Variants in HCN2 observed in about 807,000 individuals in gnomAD.
The protein encoded by HCN2 is hyperpolarization activated cyclic nucleotide gated potassium and sodium channel 2.
HCN2 carries 20 observed loss-of-function variants against 52.3 expected under a neutral mutation model. The observed-to-expected ratio is 0.38, with a 90% CI of 0.27 to 0.56. The LOEUF is 0.56. Ranked by LOEUF, HCN2 falls within the 20% of genes least tolerant of loss-of-function variation. The probability of loss-of-function intolerance (pLI) is 0.71; values close to 1 mark genes in which losing one functional copy is unlikely to be tolerated. For synonymous variants in HCN2, 694 were observed against 537.0 expected (o/e 1.29, Z -4.04); for missense variants, 981 against 1,207.7 (o/e 0.81, Z 2.78).
chr19:595,678 C>T (rs1244876331), intron 1 of HCN2, among the ~76,000 whole-genome samples: 7 of 152,216 alleles, frequency 4.6e-5, no homozygotes, highest in South Asian at 2.1e-4. Flanking sequence ...CCCCGGCGCC[C>T]GGCGAGAGTT....
Position 613,418 on chromosome 19 carries a change from G to A in HCN2, c.1755G>A (p.Gln585=). The change falls in exon 6 of 8, where the codon CAG becomes CAA. Residue 585 remains glutamine (Q), a synonymous_variant. Coordinates refer to ENST00000251287, the MANE Select transcript of HCN2 (RefSeq NM_001194.4). ...TCGGGAAGAAGATGTACTTCATCCA[G>A]CACGGCGTGGTCAGCGTGCTCACTA... is the stretch of plus-strand genomic sequence containing the variant. ...GTIGKKMYFI[Q]HGVVSVLTKG... 2 of 1,612,198 alleles carry A rather than the reference G, an allele frequency of 1.2e-6. No homozygotes were observed. Among genetic ancestry groups the A allele is most frequent in the Non-Finnish European group, 8.5e-7 (1 of 1,179,628 alleles).
At chr19:609,259 C>T (rs2144524185) in intron 4 of HCN2, among the ~76,000 whole-genome samples, 1 of 152,312 alleles carries the variant, frequency 6.6e-6, no homozygotes, top group African/African-American at 2.4e-5. Context: ...TGCCGGGGGG[C>T]ACCGTCCTGG....
At chr19:610,052 A>AC (rs965478547) in intron 4 of HCN2, among the ~76,000 whole-genome samples, 5 of 149,042 alleles carry the variant, frequency 3.4e-5, no homozygotes, top group African/African-American at 4.9e-5. Flanking sequence ...CCCAGCCCTG[A>AC]CCCCCCACAG....
In HCN2 at chr19:613,391, C is replaced by T. The variant is rs1463944122; in HGVS notation, c.1728C>T (p.Thr576=). The part of the protein sequence containing the change: ...QPGDYIIREG[T]IGKKMYFIQH... ...GTGACTACATCATCCGCGAAGGCAC[C>T]ATCGGGAAGAAGATGTACTTCATCC... Residue 576 remains threonine (T), a synonymous_variant, in exon 6 of 8, where the codon ACC becomes ACT. Transcript: ENST00000251287. 6.2e-7 allele frequency: 1 copy of T among 1,612,752 alleles called. No homozygotes were observed. The highest frequency in any genetic ancestry group is 8.5e-7 in the Non-Finnish European group (1 of 1,179,838).
intron 2 of HCN2, among the ~76,000 whole-genome samples, chr19:604,317 G>A (rs1983325800): frequency 6.7e-6 from 1 of 150,260 alleles, no homozygotes; most frequent in Non-Finnish European, 1.5e-5. Flanking sequence ...GATCTGGGTG[G>A]GGTCAAGGCC....
At chr19:607,331 C>T (rs1275760282) in intron 3 of HCN2, among the ~76,000 whole-genome samples, 1 of 152,244 alleles carries the variant, frequency 6.6e-6, no homozygotes, top group Non-Finnish European at 1.5e-5. Flanking sequence ...TGCTGTGCCC[C>T]AGCGTCCAGC....
In HCN2 at chr19:616,558, G is replaced by A. The variant is rs1241987187; in HGVS notation, c.*84G>A. On this transcript the variant is annotated 3_prime_UTR_variant, in exon 8 of 8. Coordinates refer to ENST00000251287, the MANE Select transcript of HCN2 (RefSeq NM_001194.4). ...AAAGCCATGCCATTGCGCTGCCCCG[G>A]CCGCCAGTCCGCCCAGAAGCCATAG... 28 of 818,974 alleles carry A rather than the reference G, an allele frequency of 3.4e-5. No individual in the cohort carries two copies. Among genetic ancestry groups the A allele is most frequent in the Non-Finnish European group, 4.2e-5 (27 of 640,488 alleles). The allele number at this position is 818,974 out of a possible 1,614,324, so 50.7% of individuals were successfully genotyped here.
At chr19:605,824 G>C (rs1983409253) in intron 3 of HCN2, among the ~76,000 whole-genome samples, 1 of 151,070 alleles carries the variant, frequency 6.6e-6, no homozygotes, top group Admixed American at 6.6e-5. Context: ...GCCTTACAGA[G>C]GGAGAGACAC....
Position 616,516 on chromosome 19 carries a change from G to C in HCN2, c.*42G>C. On this transcript the variant is annotated 3_prime_UTR_variant, in exon 8 of 8. Transcript: ENST00000251287. ...CGCGGGCCCAGGCGGGCCGGGGGCG[G>C]GGCCGTCATCCAGACCAAAGCCATG... is the stretch of plus-strand genomic sequence containing the variant. The C allele has an allele frequency of 4.3e-6, 5 of 1,154,804 alleles. No individual in the cohort carries two copies. Among genetic ancestry groups the C allele is most frequent in the Non-Finnish European group, 5.4e-6 (5 of 926,290 alleles). 71.5% of individuals were successfully genotyped at this position (1,154,804 alleles called of 1,614,324 possible).
Position 615,801 on chromosome 19 carries a change from A to AG in HCN2, c.1998dup (p.Asn667GlufsTer11). The AG allele has an allele frequency of 6.2e-7, 1 of 1,611,626 alleles. No homozygotes were observed. Reference sequence around the variant, plus strand: ...AACGCCCCCTCTCCCGCAGGCAAGAAGAATTCCATCCTCCTGCACAAGGTG... The same window carrying AG: ...AACGCCCCCTCTCCCGCAGGCAAGAAGGAATTCCATCCTCCTGCACAAGGTG... On this transcript the variant is annotated frameshift_variant, in exon 8 of 8. Transcript: ENST00000251287. LOFTEE classifies it low-confidence loss of function (END_TRUNC).
rs370602719 is a variant in HCN2 at position 607,866 on chromosome 19, C to G, written c.1219-98C>G. ...TCTGAACATGGGGAGCTCACCACCT[C>G]CAGTGCTTGGCAGAGGGTGGGCGCT... is the stretch of plus-strand genomic sequence containing the variant. On this transcript the variant is annotated intron_variant, in intron 3 of 7. Coordinates refer to ENST00000251287, the MANE Select transcript of HCN2 (RefSeq NM_001194.4). 793 of 842,442 alleles carry G rather than the reference C, an allele frequency of 9.4e-4. 8 individuals are homozygous for G. The African/African-American group carries it at 0.012, about 12-fold the overall frequency. 52.2% of individuals were successfully genotyped at this position (842,442 alleles called of 1,614,324 possible). A position where few individuals can be genotyped will look rare whatever the true frequency, so the allele number is the denominator to read the frequency against.
rs55703451 is a variant in HCN2 at position 616,701 on chromosome 19, G to A, written c.*227G>A. 32,853 of 214,114 alleles carry A rather than the reference G, an allele frequency of 0.15. 2,861 individuals are homozygous for A. Among genetic ancestry groups the A allele is most frequent in the East Asian group, 0.22 (2,191 of 9,810 alleles). 13.3% of individuals were successfully genotyped at this position (214,114 alleles called of 1,614,324 possible). A position where few individuals can be genotyped will look rare whatever the true frequency, so the allele number is the denominator to read the frequency against. On this transcript the variant is annotated 3_prime_UTR_variant, in exon 8 of 8. Transcript: ENST00000251287. ...CCCACCCCCATCGCCCCTGCCCCCG[G>A]CGGCGGCCTCGCGTGCGAGGGGGCT...
chr19:590,239 G>T lies in HCN2; in HGVS notation c.294G>T (p.Pro98=), dbSNP rs1353030902. 2 of 988,928 alleles carry T rather than the reference G, an allele frequency of 2.0e-6. No homozygotes were observed. The highest frequency in any genetic ancestry group is 1.1e-4 in the East Asian group (1 of 8,728). The allele number at this position is 988,928 out of a possible 1,614,324, so 61.3% of individuals were successfully genotyped here. ...CGGCGAGCACGGCCAAGGGCAGCCC[G>T]AACGGCGAGTGCGGGCGCGGCGAGC... ...PGAASTAKGS[P]NGECGRGEPQ... The change falls in exon 1 of 8, where the codon CCG becomes CCT. Residue 98 remains proline (P), a synonymous_variant. Coordinates refer to ENST00000251287, the MANE Select transcript of HCN2 (RefSeq NM_001194.4). The surrounding 1 kb of genome is among the most constrained non-coding windows in gnomAD (Gnocchi z 7.2).
Position 616,360 on chromosome 19 carries a change from C to T in HCN2, c.2556C>T (p.Pro852=), listed in dbSNP as rs1384852703. 2.9e-5 allele frequency: 35 copies of T among 1,218,356 alleles called. No individual in the cohort carries two copies. Among genetic ancestry groups the T allele is most frequent in the Non-Finnish European group, 3.3e-5 (32 of 968,364 alleles). The allele number at this position is 1,218,356 out of a possible 1,614,324, so 75.5% of individuals were successfully genotyped here. The change falls in exon 8 of 8, where the codon CCC becomes CCT. Residue 852 remains proline (P), a synonymous_variant. Coordinates refer to ENST00000251287, the MANE Select transcript of HCN2 (RefSeq NM_001194.4). ...CCACACCGCGCTTGGGGCCCACGCC[C>T]GCTGCCCGGGCCGCCGCGCCCAGCC... ...SSSTPRLGPT[P]AARAAAPSPD... is the part of the protein sequence containing the mutation.
Position 590,226 on chromosome 19 carries a change from C to A in HCN2, c.281C>A (p.Ala94Asp). The A allele has an allele frequency of 1.0e-6, 1 of 989,570 alleles. No homozygotes were observed. The highest frequency in any genetic ancestry group is 5.1e-4 in the Middle Eastern group (1 of 1,954). The allele number at this position is 989,570 out of a possible 1,614,324, so 61.3% of individuals were successfully genotyped here. A position where few individuals can be genotyped will look rare whatever the true frequency, so the allele number is the denominator to read the frequency against. ...GGCACCCCGGGCGCGGCGAGCACGG[C>A]CAAGGGCAGCCCGAACGGCGAGTGC... Reference protein sequence around the residue: ...RPGTPGAASTAKGSPNGECGR... With the variant: ...RPGTPGAASTDKGSPNGECGR... The change falls in exon 1 of 8, where the codon GCC becomes GAC. Residue 94 changes from alanine (A) to aspartate (D), a missense_variant. Around this residue, in one of 6 missense-constraint regions of HCN2, gnomAD observed 215 missense variants for 179.4 expected, o/e 1.20. Coordinates refer to ENST00000251287, the MANE Select transcript of HCN2 (RefSeq NM_001194.4). The surrounding 1 kb of genome is among the most constrained non-coding windows in gnomAD (Gnocchi z 7.2).
At chr19:596,955 C>T (rs1983049278) in intron 1 of HCN2, among the ~76,000 whole-genome samples, 1 of 152,166 alleles carries the variant, frequency 6.6e-6, no homozygotes, top group Non-Finnish European at 1.5e-5. Context: ...CTGCAGGGCT[C>T]TGGGGTCCCC....
intron 4 of HCN2, 62 bp downstream of exon 4, chr19:608,244 C>G (rs1983489315): frequency 1.4e-6 from 2 of 1,481,076 alleles, no homozygotes; most frequent in South Asian, 2.3e-5. Context: ...GATCTGGGGT[C>G]TGAGAGAGAG....
Position 605,180 on chromosome 19 carries a change from G to A in HCN2, c.1176G>A (p.Gln392=). Residue 392 remains glutamine, a synonymous_variant, in exon 3 of 8, where the codon CAG becomes CAA. Coordinates refer to ENST00000251287, the MANE Select transcript of HCN2 (RefSeq NM_001194.4). ...TGCAGTTCCTGGTGCCTATGCTGCA[G>A]GACTTCCCGCGCAACTGCTGGGTGT... The part of the protein sequence containing the change: ...GCLQFLVPML[Q]DFPRNCWVSI... The A allele has an allele frequency of 6.2e-7, 1 of 1,611,090 alleles. No homozygotes were observed. The highest frequency in any genetic ancestry group is 8.5e-7 in the Non-Finnish European group (1 of 1,179,590).
rs1260086245 is a variant in HCN2, at chr19:616,969, AC to A, written c.*499del. ...TCCCCCGGTGACCTCGGGGAGCAGC[AC>A]CCCGCCTCCCTCCAGCACTGGCACC... On this transcript the variant is annotated 3_prime_UTR_variant, in exon 8 of 8. Transcript: ENST00000251287. 1 of 450,482 alleles carries A rather than the reference AC, an allele frequency of 2.2e-6. No homozygotes were observed. Among genetic ancestry groups the A allele is most frequent in the African/African-American group, 2.0e-5 (1 of 49,782 alleles). The allele number at this position is 450,482 out of a possible 1,614,324, so 27.9% of individuals were successfully genotyped here. A position where few individuals can be genotyped will look rare whatever the true frequency, so the allele number is the denominator to read the frequency against.
Sources: gnomAD v4.1 joint callset for allele counts (sites outside exome capture counted in the v4.1 genomes callset) on GRCh38, gnomAD v4.1.1 for gene constraint, gnomAD v4.1.1 regional missense constraint, Gnocchi (gnomAD v3.1) non-coding constraint, MANE v1.5 for transcripts, NCBI Gene and HGNC (gene_info 2026-07-23, HGNC 2026-07-21) for gene names.